ARRDC1: variants seen among roughly 807,000 people sequenced by gnomAD.
ARRDC1 encodes arrestin domain containing 1.
Under a neutral mutation model 40.1 loss-of-function variants are expected in ARRDC1, and 37 were observed. That is an observed-to-expected ratio of 0.92 (90% confidence interval 0.71 to 1.21). The LOEUF (loss-of-function observed/expected upper bound fraction) is 1.21. ARRDC1 is among the 50% of genes most tolerant of loss of function. ARRDC1 has a pLI of 0.00. For missense variants in ARRDC1, 641 were observed against 581.9 expected, an observed-to-expected ratio of 1.10 and a Z score of -1.04; for synonymous variants, 310 against 262.5, an observed-to-expected ratio of 1.18 and a Z score of -1.75.
intron 2 of ARRDC1, 40 bp from the exon 3 acceptor site, chr9:137,613,420 C>A (rs1564502231): frequency 6.3e-7 from 1 of 1,599,838 alleles, no homozygotes; most frequent in Non-Finnish European, 8.5e-7. Context: ...CAGGCCACCT[C>A]AGGGGGGGAC....
At position 137,614,433 on chromosome 9, in the gene ARRDC1, C is replaced by G. The variant is rs1205475734; in HGVS notation, c.753C>G (p.Ala251=). 2 of 1,613,338 alleles carry G rather than the reference C, an allele frequency of 1.2e-6. No homozygotes were observed. The highest frequency in any genetic ancestry group is 3.3e-5 in the Admixed American group (2 of 60,026). The change falls in exon 6 of 8, where the codon GCC becomes GCG. Residue 251 remains alanine, a synonymous_variant. Transcript: ENST00000371421. Reference sequence around the variant, plus strand: ...TGGTGCCTGCCTTGCCCCAGTCGGCCCTGCCGGGCTGCAGCCTCATCCACA... The same window carrying G: ...TGGTGCCTGCCTTGCCCCAGTCGGCGCTGCCGGGCTGCAGCCTCATCCACA... ...QILVPALPQS[A]LPGCSLIHID... is the part of the protein sequence containing the mutation.
rs143775900 is a variant in ARRDC1, at chr9:137,614,728, C to T, written c.965C>T (p.Ala322Val). The change falls in exon 7 of 8, where the codon GCG becomes GTG. Residue 322 changes from alanine to valine, a missense_variant. Physicochemically the swap from Ala to Val is moderately conservative, Grantham distance 64. Coordinates refer to ENST00000371421, the MANE Select transcript of ARRDC1 (RefSeq NM_152285.4). The part of the protein sequence containing the change: ...PPQEEAEAEA[A>V]AGGPHFLDPV... Reference sequence around the variant, plus strand: ...CAGGAGGAGGCTGAGGCTGAGGCTGCGGCTGGCGGCCCCCACTTCTTGGAC... The same window carrying T: ...CAGGAGGAGGCTGAGGCTGAGGCTGTGGCTGGCGGCCCCCACTTCTTGGAC... The T allele has an allele frequency of 7.8e-5, 126 of 1,607,734 alleles. No individual in the cohort carries two copies. Among genetic ancestry groups the T allele is most frequent in the African/African-American group, 1.3e-4 (10 of 74,750 alleles).
In ARRDC1 at chr9:137,612,956, G is replaced by C. The variant is rs1415596878; in HGVS notation, c.179G>C (p.Trp60Ser). 2 of 1,614,170 alleles carry C rather than the reference G, an allele frequency of 1.2e-6. No homozygotes were observed. Among genetic ancestry groups the C allele is most frequent in the South Asian group, 1.1e-5 (1 of 91,066 alleles). The change falls in exon 2 of 8, where the codon TGG becomes TCG. Residue 60 changes from tryptophan to serine, a missense_variant. Physicochemically the swap from Trp to Ser is radical, Grantham distance 177. Coordinates refer to ENST00000371421, the MANE Select transcript of ARRDC1 (RefSeq NM_152285.4). ...GVSNKANDTA[W>S]VVEEGYFNSS... ...TCCAACAAGGCTAATGACACAGCGT[G>C]GGTAGTGGAGGAGGGTTACTTCAAC...
Position 137,615,120 on chromosome 9 carries a change from C to CCTGACCCCTGAGAG in ARRDC1, c.1293_*4dup, listed in dbSNP as rs1842648801. 1 of 1,550,112 alleles carries CCTGACCCCTGAGAG rather than the reference C, an allele frequency of 6.5e-7. No homozygotes were observed. Among genetic ancestry groups the CCTGACCCCTGAGAG allele is most frequent in the Admixed American group, 1.9e-5 (1 of 53,582 alleles). On this transcript the variant is annotated frameshift_variant, in exon 8 of 8. Transcript: ENST00000371421. LOFTEE classifies it high-confidence loss of function. ...AGAGCTGCGGCGGCGTGGAACCCAG[C>CCTGACCCCTGAGAG]CTGACCCCTGAGAGCTGACCCCGTG...
chr9:137,609,647 CCT>C lies in ARRDC1; in HGVS notation c.119-3248_119-3247del, dbSNP rs541569347. Among the ~76,000 whole-genome samples, 11 of 152,306 alleles carry C rather than the reference CCT, an allele frequency of 7.2e-5. No homozygotes were observed. The South Asian group carries it at 2.3e-3, about 32-fold the overall frequency. On this transcript the variant is annotated intron_variant, in intron 1 of 7. Coordinates refer to ENST00000371421, the MANE Select transcript of ARRDC1 (RefSeq NM_152285.4). ...TCCTCCGGGGCTCCCACCACAGCCT[CCT>C]GAGTGACTGGGACCAGGGGCACGCG...
At chr9:137,607,965 A>G (rs1842451340) in intron 1 of ARRDC1, among the ~76,000 whole-genome samples, 3 of 152,124 alleles carry the variant, frequency 2.0e-5, no homozygotes, top group Admixed American at 2.0e-4. Flanking sequence ...AACACAGGAA[A>G]CATTTTTTAT....
At chr9:137,609,221 G>A (rs535118573) in intron 1 of ARRDC1, among the ~76,000 whole-genome samples, 27 of 152,146 alleles carry the variant, frequency 1.8e-4, no homozygotes, top group Non-Finnish European at 2.9e-4. Context: ...TCCCTCCAAC[G>A]TGTGTTGAGA....
chr9:137,613,999 C>A (rs756609761), intron 4 of ARRDC1, 33 bp from the exon 5 acceptor site: 3 of 1,610,362 alleles, frequency 1.9e-6, no homozygotes, highest in South Asian at 2.2e-5. Context: ...CCTGCGCACA[C>A]CTGCTAAGCC....
chr9:137,610,546 C>T (rs572879215), intron 1 of ARRDC1, among the ~76,000 whole-genome samples: 2 of 152,178 alleles, frequency 1.3e-5, no homozygotes, highest in South Asian at 4.2e-4. Flanking sequence ...CAGGCGTGTG[C>T]CACCATGCCT....
Position 137,613,757 on chromosome 9 carries a change from C to T in ARRDC1, c.423C>T (p.Ile141=). ...TGAGCCCCTTGAACCTGAACAGCAT[C>T]CCAGACATTGAGGTGAGGATGGCAC... The part of the protein sequence containing the change: ...YILSPLNLNS[I]PDIEQPNVAS... The change falls in exon 4 of 8, where the codon ATC becomes ATT. Residue 141 remains isoleucine, a synonymous_variant. Coordinates refer to ENST00000371421, the MANE Select transcript of ARRDC1 (RefSeq NM_152285.4). 2.5e-6 allele frequency: 4 copies of T among 1,614,174 alleles called. No individual in the cohort carries two copies. Among genetic ancestry groups the T allele is most frequent in the Non-Finnish European group, 3.4e-6 (4 of 1,180,028 alleles).
chr9:137,612,764 G>A (rs1171519838), intron 1 of ARRDC1, 132 bp from the exon 2 acceptor site: 1 of 655,394 alleles, frequency 1.5e-6, no homozygotes. Flanking sequence ...GGCATGGGCT[G>A]CTTGCTCACT....
At position 137,614,869 on chromosome 9, in the gene ARRDC1, C is replaced by T. The variant is rs138925432; in HGVS notation, c.1106C>T (p.Pro369Leu). ...CAGGATGGCAGCCCTGCCTCACACC[C>T]GCTGCACCCTCCCTTGTGCATTTCA... ...CPQDGSPASH[P>L]LHPPLCISTG... The change falls in exon 7 of 8, where the codon CCG becomes CTG. Residue 369 changes from proline (P) to leucine (L), a missense_variant. Coordinates refer to ENST00000371421, the MANE Select transcript of ARRDC1 (RefSeq NM_152285.4). The T allele has an allele frequency of 1.4e-5, 22 of 1,613,642 alleles. No individual in the cohort carries two copies. Among genetic ancestry groups the T allele is most frequent in the African/African-American group, 4.0e-5 (3 of 75,050 alleles).
At chr9:137,610,004 G>A (rs1302380580) in intron 1 of ARRDC1, among the ~76,000 whole-genome samples, 12 of 151,814 alleles carry the variant, frequency 7.9e-5, no homozygotes, top group African/African-American at 2.4e-4. Context: ...TAGTAGAGAC[G>A]GGGGTTTCAC....
intron 1 of ARRDC1, among the ~76,000 whole-genome samples, chr9:137,607,991 T>TTATA (rs1483579257): frequency 6.6e-6 from 1 of 152,182 alleles, no homozygotes; most frequent in Admixed American, 6.5e-5. Context: ...TTTTTTTAAT[T>TTATA]TATTTTTTCG....
chr9:137,605,724 C>T lies in ARRDC1; in HGVS notation c.7C>T (p.Arg3Ter). The change falls in exon 1 of 8, where the codon CGA becomes TGA. Residue 3 changes from arginine (R) to a stop codon, truncating the protein, a stop_gained. Transcript: ENST00000371421. LOFTEE classifies it high-confidence loss of function. MG[R>*]VQLFEISLSH... ...TGGCCGGTGAGGCCGCGGCATGGGG[C>T]GAGTGCAGCTCTTCGAGATCAGCCT... The T allele has an allele frequency of 3.6e-6, 5 of 1,381,050 alleles. No individual in the cohort carries two copies. Among genetic ancestry groups the T allele is most frequent in the South Asian group, 1.5e-5 (1 of 65,504 alleles). The allele number at this position is 1,381,050 out of a possible 1,614,324, so 85.5% of individuals were successfully genotyped here. A position where few individuals can be genotyped will look rare whatever the true frequency, so the allele number is the denominator to read the frequency against.
intron 1 of ARRDC1, among the ~76,000 whole-genome samples, 187 bp downstream of exon 1, chr9:137,606,022 C>T (rs376899985): frequency 1.3e-5 from 2 of 151,538 alleles, no homozygotes; most frequent in East Asian, 3.9e-4. Flanking sequence ...CCGCGTCTGC[C>T]CTTCCTGCCC....
chr9:137,613,008 T>G lies in ARRDC1; in HGVS notation c.229+2T>G, dbSNP rs765240462. On this transcript the variant is annotated splice_donor_variant, in intron 2 of 7. Transcript: ENST00000371421. LOFTEE classifies it high-confidence loss of function. Reference sequence around the variant, plus strand: ...GTTCCCTGTCGCTGGCAGACAAGGGTAAGTTTGGGAGCCAGTTCCCGAGTG... The same window carrying G: ...GTTCCCTGTCGCTGGCAGACAAGGGGAAGTTTGGGAGCCAGTTCCCGAGTG... 6.2e-7 allele frequency: 1 copy of G among 1,611,674 alleles called. No homozygotes were observed.
In ARRDC1 at chr9:137,613,769, G is replaced by A. The variant is rs1842590987; in HGVS notation, c.435G>A (p.Glu145=). The part of the protein sequence containing the change: ...PLNLNSIPDI[E]QPNVASATKK... ...ACCTGAACAGCATCCCAGACATTGA[G>A]GTGAGGATGGCACAGTGACCTCCTT... The change falls in exon 4 of 8, where the codon GAG becomes GAA. Residue 145 remains glutamate, a splice_region_variant and synonymous_variant. Transcript: ENST00000371421. The A allele has an allele frequency of 3.7e-6, 6 of 1,614,118 alleles. No individual in the cohort carries two copies. Among genetic ancestry groups the A allele is most frequent in the Non-Finnish European group, 5.1e-6 (6 of 1,179,990 alleles).
At chr9:137,612,251 C>A (rs1166988030) in intron 1 of ARRDC1, 1 of 153,046 alleles carries the variant, frequency 6.5e-6, no homozygotes, top group African/African-American at 2.4e-5. Context: ...AGAACAGTGC[C>A]ACCTCTGCCT....
Sources: gnomAD v4.1 joint callset for allele counts (sites outside exome capture counted in the v4.1 genomes callset) on GRCh38, gnomAD v4.1.1 for gene constraint, MANE v1.5 for transcripts, NCBI Gene and HGNC (gene_info 2026-07-23, HGNC 2026-07-21) for gene names.